The following RBM19 variants were observed in gnomAD, a reference collection of about 807,000 sequenced individuals.
RBM19 encodes probable RNA-binding protein 19.
In RBM19, 94 loss-of-function variants were observed where a neutral mutation model predicts 116.8. That is an observed-to-expected ratio of 0.80 (90% CI 0.68 to 0.95). The LOEUF (loss-of-function observed/expected upper bound fraction) is 0.95. Among genes scored for constraint, RBM19 ranks in the 40% least tolerant of loss-of-function variants. The pLI is 0.00. For synonymous variants in RBM19, 475 were observed against 494.1 expected (o/e 0.96, Z 0.51); for missense variants, 1,161 against 1,220.7 (o/e 0.95, Z 0.73).
intron 14 of RBM19, among the ~76,000 whole-genome samples, chr12:113,941,699 C>T (rs922933242): frequency 6.6e-6 from 1 of 152,060 alleles, no homozygotes; most frequent in East Asian, 1.9e-4. Flanking sequence ...CATACATCTT[C>T]ATTCATCCAT....
At position 113,925,317 on chromosome 12, in the gene RBM19, CG is replaced by C. The variant is rs574275320; in HGVS notation, c.2245-561del. ...ATGAGCAATGGGGAAGCCCAGGGGCCGGGGAGAAACTTGAGAAACAAACACT... is the reference window on the plus strand; with the variant it reads ...ATGAGCAATGGGGAAGCCCAGGGGCCGGGAGAAACTTGAGAAACAAACACT... On this transcript the variant is annotated intron_variant, in intron 17 of 23. Coordinates refer to ENST00000261741, the MANE Select transcript of RBM19 (RefSeq NM_016196.4). Among the ~76,000 whole-genome samples, 26 of 152,216 alleles carry C rather than the reference CG, an allele frequency of 1.7e-4. No homozygotes were observed. The South Asian group carries it at 2.5e-3, about 15-fold the overall frequency.
At chr12:113,931,642 G>A (rs1015284185) in intron 16 of RBM19, among the ~76,000 whole-genome samples, 7 of 151,922 alleles carry the variant, frequency 4.6e-5, no homozygotes, top group East Asian at 1.9e-4. Flanking sequence ...CGTCACCTCC[G>A]TTCCAAACGC....
chr12:113,867,417 G>A (rs1303001887), intron 21 of RBM19, among the ~76,000 whole-genome samples: 1 of 152,168 alleles, frequency 6.6e-6, no homozygotes, highest in East Asian at 1.9e-4. Context: ...CTCTGGGCTG[G>A]GAAAGAAATG....
At chr12:113,839,616 C>T (rs1039153105) in intron 23 of RBM19, among the ~76,000 whole-genome samples, 3 of 152,198 alleles carry the variant, frequency 2.0e-5, no homozygotes, top group Admixed American at 6.5e-5. Context: ...TCACTCACAG[C>T]GGTGGTGTGT....
chr12:113,897,198 T>C (rs1246918008), intron 21 of RBM19, among the ~76,000 whole-genome samples: 1 of 152,246 alleles, frequency 6.6e-6, no homozygotes, highest in Admixed American at 6.5e-5. Flanking sequence ...AGATAGAGTC[T>C]CGCTCTGTCG....
intron 2 of RBM19, 132 bp downstream of exon 2, chr12:113,962,100 T>C: frequency 1.8e-6 from 2 of 1,089,398 alleles, no homozygotes; most frequent in Non-Finnish European, 2.7e-6. Flanking sequence ...TGAAAGTGTG[T>C]GAATCGGTGA....
intron 21 of RBM19, among the ~76,000 whole-genome samples, chr12:113,881,563 G>C (rs1880130297): frequency 6.6e-6 from 1 of 152,176 alleles, no homozygotes; most frequent in Admixed American, 6.5e-5. Context: ...TGCATCCAGA[G>C]CCTGGAGTGT....
chr12:113,907,430 C>T (rs552218200), intron 21 of RBM19, among the ~76,000 whole-genome samples: 47 of 152,258 alleles, frequency 3.1e-4, no homozygotes, highest in Admixed American at 1.0e-3. Flanking sequence ...CTGCATCTCC[C>T]GTGGTGCAGA....
intron 21 of RBM19, among the ~76,000 whole-genome samples, chr12:113,871,312 A>G (rs1879188183): frequency 6.6e-6 from 1 of 152,220 alleles, no homozygotes; most frequent in Admixed American, 6.5e-5. Context: ...ATTTACTTTT[A>G]TTTTAGAAAC....
intron 20 of RBM19, among the ~76,000 whole-genome samples, chr12:113,916,475 T>C (rs1882782333): frequency 6.6e-6 from 1 of 152,168 alleles, no homozygotes; most frequent in South Asian, 2.1e-4. Flanking sequence ...TCCAAGATGG[T>C]GCCCAGTGAT....
intron 7 of RBM19, among the ~76,000 whole-genome samples, chr12:113,952,844 G>A (rs184970509): frequency 1.8e-4 from 27 of 152,276 alleles, no homozygotes; most frequent in South Asian, 4.1e-4. Flanking sequence ...GTCACGATCC[G>A]CATTTCAAGG....
At chr12:113,872,379 G>T (rs1208866541) in intron 21 of RBM19, among the ~76,000 whole-genome samples, 1 of 147,666 alleles carries the variant, frequency 6.8e-6, no homozygotes, top group South Asian at 2.2e-4. Context: ...CAGCCACCCC[G>T]TCCGGGAGGG....
chr12:113,960,144 T>A lies in RBM19; in HGVS notation c.254A>T (p.Lys85Ile), dbSNP rs1432795494. The change falls in exon 3 of 24, where the codon AAA becomes ATA. Residue 85 changes from lysine to isoleucine, a missense_variant. Transcript: ENST00000261741. ...EFCKSFGDPA[K>I]PRAWSKHAQK... is the part of the protein sequence containing the mutation. ...GGCATGTTTGCTCCAGGCTCTGGGT[T>A]TGGCCGGGTCCCCGAATGACTTGCA... 1 of 1,613,986 alleles carries A rather than the reference T, an allele frequency of 6.2e-7. No homozygotes were observed. Among genetic ancestry groups the A allele is most frequent in the African/African-American group, 1.3e-5 (1 of 75,022 alleles).
intron 23 of RBM19, among the ~76,000 whole-genome samples, chr12:113,832,879 A>C (rs972097093): frequency 6.6e-6 from 1 of 152,200 alleles, no homozygotes; most frequent in Non-Finnish European, 1.5e-5. Context: ...GCCTATTCGC[A>C]AAGGCTGACG....
chr12:113,915,009 G>T lies in RBM19; in HGVS notation c.2518C>A (p.Pro840Thr). ...ATCTCCCGGCTGTGGGCCTGGAAGG[G>T]GATGTTCCGCACCAGGATCTTGGAG... ...TTSKILVRNIPFQAHSREIRE... is the reference protein window; with the variant it reads ...TTSKILVRNITFQAHSREIRE... Residue 840 changes from proline (P) to threonine (T), a missense_variant, in exon 21 of 24, where the codon CCC becomes ACC. Transcript: ENST00000261741. The T allele has an allele frequency of 1.2e-6, 2 of 1,614,206 alleles. No homozygotes were observed. Among genetic ancestry groups the T allele is most frequent in the Non-Finnish European group, 1.7e-6 (2 of 1,180,030 alleles).
chr12:113,920,585 C>T, intron 19 of RBM19, 26 bp downstream of exon 19: 1 of 1,603,334 alleles, frequency 6.2e-7, no homozygotes. Context: ...GCCTCCGTGG[C>T]CCTCAGCTGA....
chr12:113,932,964 C>CCA (rs1331862078), intron 16 of RBM19, among the ~76,000 whole-genome samples: 6 of 152,032 alleles, frequency 3.9e-5, no homozygotes, highest in Non-Finnish European at 8.8e-5. Flanking sequence ...TATAATCAGG[C>CCA]CACAGAATTT....
At chr12:113,948,542 C>G (rs980109303) in intron 10 of RBM19, among the ~76,000 whole-genome samples, 8 of 152,210 alleles carry the variant, frequency 5.3e-5, no homozygotes, top group African/African-American at 1.7e-4. Context: ...TCAAAAAAGT[C>G]ATCCGAATTG....
chr12:113,883,102 G>A (rs1880267442), intron 21 of RBM19, among the ~76,000 whole-genome samples: 3 of 152,102 alleles, frequency 2.0e-5, no homozygotes, highest in Admixed American at 1.3e-4. Flanking sequence ...AGGGAACGAG[G>A]GAGAAAAAAC....
Sources: gnomAD v4.1 joint callset for allele counts (sites outside exome capture counted in the v4.1 genomes callset) on GRCh38, gnomAD v4.1.1 for gene constraint, MANE v1.5 for transcripts, NCBI Gene and HGNC (gene_info 2026-07-23, HGNC 2026-07-21) for gene names.